SLC30A8: variants seen among roughly 807,000 people sequenced by gnomAD.
The protein encoded by SLC30A8 is proton-coupled zinc antiporter SLC30A8.
In SLC30A8, 27 loss-of-function variants were observed where a neutral mutation model predicts 36.9. The observed-to-expected ratio is 0.73, with a 90% confidence interval of 0.54 to 1.01. The LOEUF is 1.01. Among genes scored for constraint, SLC30A8 ranks in the 50% least tolerant of loss-of-function variants. SLC30A8 has a pLI of 0.00. For missense variants in SLC30A8, 439 were observed against 452.0 expected, an observed-to-expected ratio of 0.97 and a Z score of 0.26; for synonymous variants, 164 against 172.4, an observed-to-expected ratio of 0.95 and a Z score of 0.38.
Position 117,157,707 on chromosome 8 carries a change from G to A in SLC30A8, c.435G>A (p.Leu145=), listed in dbSNP as rs759297376. 1.2e-6 allele frequency: 2 copies of A among 1,613,936 alleles called. No homozygotes were observed. Among genetic ancestry groups the A allele is most frequent in the East Asian group, 2.2e-5 (1 of 44,888 alleles). ...AATTCCTAGAGATCCTTGGTGCCCTGCTCTCCATCCTGTGCATCTGGGTGG... is the reference window on the plus strand; with the variant it reads ...AATTCCTAGAGATCCTTGGTGCCCTACTCTCCATCCTGTGCATCTGGGTGG... ...GWHRAEILGA[L]LSILCIWVVT... The change falls in exon 4 of 8, where the codon CTG becomes CTA. Residue 145 remains leucine (L), a synonymous_variant. Coordinates refer to ENST00000456015, the MANE Select transcript of SLC30A8 (RefSeq NM_173851.3).
chr8:116,975,800 G>T (rs750107356), intron 1 of SLC30A8, among the ~76,000 whole-genome samples: 11 of 152,170 alleles, frequency 7.2e-5, no homozygotes, highest in Non-Finnish European at 1.3e-4. Context: ...AGGCCAGCAA[G>T]GTTGGAAAAG....
At chr8:117,003,263 G>A (rs376499516) in intron 1 of SLC30A8, among the ~76,000 whole-genome samples, 1 of 152,078 alleles carries the variant, frequency 6.6e-6, no homozygotes, top group African/African-American at 2.4e-5. Flanking sequence ...AAACAAAATG[G>A]TATTGTCAAC....
intron 1 of SLC30A8, among the ~76,000 whole-genome samples, chr8:116,968,248 A>G (rs1295712817): frequency 3.3e-5 from 5 of 151,880 alleles, no homozygotes; most frequent in African/African-American, 9.7e-5. Flanking sequence ...GATTTATTAG[A>G]TTACAACAAA....
chr8:117,019,438 CATTGCCTA>C (rs1816633620), intron 1 of SLC30A8, among the ~76,000 whole-genome samples: 4 of 152,216 alleles, frequency 2.6e-5, no homozygotes, highest in Admixed American at 2.6e-4. Context: ...ATTGATTCTA[CATTGCCTA>C]ATTAAGAGCC....
chr8:116,996,996 C>A (rs1408805006), intron 1 of SLC30A8, among the ~76,000 whole-genome samples: 6 of 148,246 alleles, frequency 4.0e-5, no homozygotes, highest in Admixed American at 4.0e-4. Flanking sequence ...TTTTTTGAGA[C>A]GGAGTTTTGC....
At chr8:117,073,452 G>T (rs1305402095) in intron 2 of SLC30A8, among the ~76,000 whole-genome samples, 1 of 151,928 alleles carries the variant, frequency 6.6e-6, no homozygotes, top group African/African-American at 2.4e-5. Flanking sequence ...TGGAGATGGG[G>T]TTTCACCATG....
chr8:116,995,712 G>C (rs1362674500), intron 1 of SLC30A8, among the ~76,000 whole-genome samples: 3 of 152,046 alleles, frequency 2.0e-5, no homozygotes, highest in African/African-American at 7.3e-5. Flanking sequence ...TCTCTAATAA[G>C]TGAAGTATGT....
rs374495378 is a variant in SLC30A8 at position 117,172,720 on chromosome 8, C to T, written c.*39C>T. The T allele has an allele frequency of 6.2e-7, 1 of 1,610,314 alleles. No homozygotes were observed. Among genetic ancestry groups the T allele is most frequent in the South Asian group, 1.1e-5 (1 of 90,972 alleles). On this transcript the variant is annotated 3_prime_UTR_variant, in exon 8 of 8. Transcript: ENST00000456015. ...TCAGTTTCCCAAATTTGACAGGCCA[C>T]CTTCAAACATGCTGCTATGCAGTTT...
chr8:116,999,869 A>G (rs1048044650), intron 1 of SLC30A8, among the ~76,000 whole-genome samples: 2 of 152,172 alleles, frequency 1.3e-5, no homozygotes, highest in African/African-American at 4.8e-5. Flanking sequence ...CAGATATGAA[A>G]ATAATTATAT....
At chr8:117,171,260 G>A (rs79891351) in intron 7 of SLC30A8, 92 bp downstream of exon 7, 45,387 of 1,361,930 alleles carry the variant, frequency 0.033, 925 homozygotes, top group Non-Finnish European at 0.04. Context: ...TGCCCTTATT[G>A]TCTGTTGCTT....
rs58613241 is a variant in SLC30A8 at position 117,143,665 on chromosome 8, A to AACACACACACACAC, written c.72-3270_72-3257dup. 3.2e-3 allele frequency among the ~76,000 whole-genome samples: 474 copies of AACACACACACACAC among 146,276 alleles called. 1 individual carries two copies. The highest frequency in any genetic ancestry group is 5.3e-3 in the South Asian group (24 of 4,492). ...CTGTGTACTCTTGCCTCTCCCATAAAACACACACACACACACACACACACA... is the reference window on the plus strand; with the variant it reads ...CTGTGTACTCTTGCCTCTCCCATAAAACACACACACACACACACACACACACACACACACACACA... On this transcript the variant is annotated intron_variant, in intron 1 of 7. Coordinates refer to ENST00000456015, the MANE Select transcript of SLC30A8 (RefSeq NM_173851.3).
chr8:117,079,385 C>T (rs371643057), intron 2 of SLC30A8, among the ~76,000 whole-genome samples: 12 of 152,168 alleles, frequency 7.9e-5, no homozygotes, highest in African/African-American at 2.9e-4. Context: ...TTTTCTCTTC[C>T]ACCATAAAAG....
chr8:117,107,715 G>A (rs1182458413), intron 2 of SLC30A8, among the ~76,000 whole-genome samples: 1 of 151,990 alleles, frequency 6.6e-6, no homozygotes, highest in Admixed American at 6.6e-5. Flanking sequence ...ATATTTGAGC[G>A]ATAAACACAA....
intron 1 of SLC30A8, among the ~76,000 whole-genome samples, chr8:116,970,597 T>C (rs1814759707): frequency 6.6e-6 from 1 of 152,180 alleles, no homozygotes; most frequent in Non-Finnish European, 1.5e-5. Flanking sequence ...ATAATGGCTA[T>C]GATGTCAGTA....
intron 1 of SLC30A8, among the ~76,000 whole-genome samples, chr8:117,032,476 G>A (rs1053890287): frequency 1.3e-5 from 2 of 152,186 alleles, no homozygotes; most frequent in African/African-American, 4.8e-5. Flanking sequence ...AAAGCCAGTT[G>A]GCTTATTTGA....
At chr8:117,163,774 A>G (rs940665743) in intron 6 of SLC30A8, among the ~76,000 whole-genome samples, 5 of 152,200 alleles carry the variant, frequency 3.3e-5, no homozygotes, top group Non-Finnish European at 7.3e-5. Flanking sequence ...AACAGTAAGT[A>G]TAAACACCAT....
intron 2 of SLC30A8, among the ~76,000 whole-genome samples, chr8:117,059,633 G>T (rs1036166571): frequency 1.3e-5 from 2 of 152,150 alleles, no homozygotes; most frequent in African/African-American, 4.8e-5. Flanking sequence ...ACCTTTCTTG[G>T]TTTCTACTCC....
At chr8:117,133,115 A>G (rs552003486), upstream of SLC30A8, among the ~76,000 whole-genome samples, 4 of 152,158 alleles carry the variant, frequency 2.6e-5, no homozygotes, top group African/African-American at 9.6e-5. Flanking sequence ...GTGTGCATGT[A>G]TATTTAAGTT....
intron 3 of SLC30A8, among the ~76,000 whole-genome samples, chr8:117,157,454 A>AAATT (rs780628283): frequency 6.6e-6 from 1 of 152,242 alleles, no homozygotes; most frequent in Non-Finnish European, 1.5e-5. Flanking sequence ...ATTTGCTGAA[A>AAATT]AATTACTTAG....
Sources: allele counts gnomAD v4.1 joint callset (sites outside exome capture counted in the v4.1 genomes callset), GRCh38; gene constraint gnomAD v4.1.1; transcripts MANE v1.5; gene names NCBI Gene and HGNC (gene_info 2026-07-23, HGNC 2026-07-21).